TECTA: variants seen among roughly 807,000 people sequenced by gnomAD.
The protein encoded by TECTA is tectorin alpha.
Under a neutral mutation model 216.8 loss-of-function variants are expected in TECTA, and 128 were observed. The observed-to-expected ratio is 0.59, with a 90% CI of 0.51 to 0.68. The LOEUF (loss-of-function observed/expected upper bound fraction) is 0.68, where lower values mean the gene tolerates loss of function less well. TECTA is among the 30% of genes least tolerant of loss of function. The pLI, the probability that TECTA is intolerant of heterozygous loss-of-function variation, is 0.00. For missense variants in TECTA, 2,551 were observed against 2,786.2 expected (o/e 0.92, Z 1.90); for synonymous variants, 1,089 against 1,117.1 (o/e 0.97, Z 0.50).
intron 20 of TECTA, among the ~76,000 whole-genome samples, chr11:121,179,060 G>T (rs984944257): frequency 4.0e-5 from 6 of 151,502 alleles, no homozygotes; most frequent in African/African-American, 1.5e-4. Context: ...TTGATTCTTT[G>T]CTTGTTTTGA....
At chr11:121,158,292 G>A in intron 14 of TECTA, 68 bp downstream of exon 14, 1 of 1,594,852 alleles carries the variant, frequency 6.3e-7, no homozygotes, top group Non-Finnish European at 8.5e-7. Context: ...GGACTGTGTA[G>A]GGTTCTCCCA....
At chr11:121,187,097 G>T (rs1364728002) in intron 20 of TECTA, among the ~76,000 whole-genome samples, 1 of 152,198 alleles carries the variant, frequency 6.6e-6, no homozygotes, top group Non-Finnish European at 1.5e-5. Flanking sequence ...CCGTAGAACT[G>T]GTGTTGGAGA....
rs751277636 is a variant in TECTA at position 121,118,558 on chromosome 11, T to C, written c.1043T>C (p.Leu348Pro). 1 of 1,614,232 alleles carries C rather than the reference T, an allele frequency of 6.2e-7. No individual in the cohort carries two copies. The highest frequency in any genetic ancestry group is 1.1e-5 in the South Asian group (1 of 91,082). Residue 348 changes from leucine (L) to proline (P), a missense_variant, in exon 7 of 24, where the codon CTG becomes CCG. Coordinates refer to ENST00000392793, the MANE Select transcript of TECTA (RefSeq NM_005422.4). ...FHFQGSCAYL[L>P]ARQCLQTSSL... ...TTCCAAGGCTCCTGTGCCTACTTGC[T>C]GGCCCGACAGTGTTTGCAGACTTCC...
At chr11:121,124,975 T>C (rs1946593166) in intron 7 of TECTA, among the ~76,000 whole-genome samples, 1 of 152,194 alleles carries the variant, frequency 6.6e-6, no homozygotes, top group South Asian at 2.1e-4. Flanking sequence ...AGGTGACTGG[T>C]CTTTGAAGAA....
chr11:121,111,445 A>G (rs1209153615), intron 4 of TECTA, among the ~76,000 whole-genome samples: 4 of 152,202 alleles, frequency 2.6e-5, no homozygotes, highest in African/African-American at 9.7e-5. Context: ...TTTATCCAGA[A>G]GAGTCTTGGA....
In TECTA at chr11:121,156,832, A is replaced by G. The variant is rs778066188; in HGVS notation, c.4306-1009A>G. On this transcript the variant is annotated intron_variant, in intron 13 of 23. Transcript: ENST00000392793. The stretch of plus-strand genomic sequence containing the variant: ...TAATATCTCCAATTTAGAAATGAGC[A>G]AAGTGACACTGGGGAGGTGAGTAAC... 3.9e-5 allele frequency among the ~76,000 whole-genome samples: 6 copies of G among 152,156 alleles called. 1 individual carries two copies. The highest frequency in any genetic ancestry group is 7.4e-5 in the Non-Finnish European group (5 of 68,026).
chr11:121,138,122 A>G, intron 11 of TECTA, 100 bp downstream of exon 11: 3 of 1,541,158 alleles, frequency 1.9e-6, no homozygotes, highest in East Asian at 2.3e-5. Context: ...CCGGAATCCA[A>G]AGAAAATCTT....
chr11:121,128,396 A>T (rs1453843668), intron 9 of TECTA, 52 bp downstream of exon 9: 1 of 1,557,810 alleles, frequency 6.4e-7, no homozygotes, highest in South Asian at 1.1e-5. Flanking sequence ...AGCCAGGAGG[A>T]GGAGCTCGCC....
intron 12 of TECTA, 26 bp from the exon 13 acceptor site, chr11:121,152,855 G>T (rs1265704401): frequency 1.9e-5 from 30 of 1,586,054 alleles, no homozygotes; most frequent in Non-Finnish European, 2.5e-5. Context: ...GATCGTGCGA[G>T]TCTTGACTTG....
chr11:121,155,865 A>G (rs1474366023), intron 13 of TECTA, among the ~76,000 whole-genome samples: 1 of 152,162 alleles, frequency 6.6e-6, no homozygotes, highest in Admixed American at 6.5e-5. Flanking sequence ...AAACCCTACC[A>G]AGCAGAGTCG....
Position 121,160,409 on chromosome 11 carries a change from G to A in TECTA, c.4964G>A (p.Gly1655Asp). The A allele has an allele frequency of 6.2e-7, 1 of 1,611,236 alleles. No homozygotes were observed. Among genetic ancestry groups the A allele is most frequent in the Non-Finnish European group, 8.5e-7 (1 of 1,179,868 alleles). ...CTGGCCCAGAGCTGGAAAACCAATG[G>A]CATGCAGAAGAGGTGAGGGTGTAGG... is the stretch of plus-strand genomic sequence containing the variant. ...VVLAQSWKTN[G>D]MQKRPLAPSC... Residue 1655 changes from glycine to aspartate, a missense_variant, in exon 15 of 24, where the codon GGC becomes GAC. Transcript: ENST00000392793.
intron 8 of TECTA, among the ~76,000 whole-genome samples, chr11:121,126,842 G>A (rs1282467823): frequency 6.6e-6 from 1 of 152,172 alleles, no homozygotes; most frequent in East Asian, 1.9e-4. Flanking sequence ...TCCATATTTG[G>A]ATTCAAGTTG....
At chr11:121,140,229 A>G (rs1380891632) in intron 11 of TECTA, among the ~76,000 whole-genome samples, 3 of 151,780 alleles carry the variant, frequency 2.0e-5, no homozygotes, top group Admixed American at 2.0e-4. Flanking sequence ...ACATCCTCCC[A>G]GTTCTTTTCA....
rs777074206 is a variant in TECTA, at chr11:121,189,030, GT to G, written c.6163-48del. The G allele has an allele frequency of 4.4e-6, 7 of 1,587,656 alleles. 1 individual carries two copies. The South Asian group carries it at 7.7e-5, about 18-fold the overall frequency. On this transcript the variant is annotated intron_variant, in intron 21 of 23. Coordinates refer to ENST00000392793, the MANE Select transcript of TECTA (RefSeq NM_005422.4). ...AGAGGTGAAACATGGTGAAGAATAA[GT>G]TATCAGCTTAATTGTGTGAAAATTT...
intron 16 of TECTA, among the ~76,000 whole-genome samples, chr11:121,165,054 A>G (rs1341551772): frequency 6.6e-6 from 1 of 152,212 alleles, no homozygotes; most frequent in African/African-American, 2.4e-5. Flanking sequence ...CTTGAGGAGT[A>G]TTTGTGAGGG....
rs1311422005 is a variant in TECTA at position 121,104,334 on chromosome 11, G to C, written c.65-1497G>C. Among the ~76,000 whole-genome samples, 3 of 152,112 alleles carry C rather than the reference G, an allele frequency of 2.0e-5. No homozygotes were observed. In the East Asian group the frequency reaches 5.8e-4, roughly 29 times the overall value. On this transcript the variant is annotated intron_variant, in intron 2 of 23. Coordinates refer to ENST00000392793, the MANE Select transcript of TECTA (RefSeq NM_005422.4). ...TTAGAAGACCCCTTTTCACCTGCTG[G>C]TTGTGACATTAAATACAGCTCATGG...
intron 20 of TECTA, among the ~76,000 whole-genome samples, chr11:121,183,038 A>G (rs1259729613): frequency 6.6e-6 from 1 of 152,152 alleles, no homozygotes; most frequent in Non-Finnish European, 1.5e-5. Flanking sequence ...CTTGTGCGTC[A>G]GCCCCTTTTT....
chr11:121,158,235 T>A lies in TECTA; in HGVS notation c.4689+11T>A. ...CGGAACACGGTCAAGGTAACCAGCC[T>A]GGCGGCCATTCTTAAGAAGGGGCCC... On this transcript the variant is annotated intron_variant, in intron 14 of 23. Transcript: ENST00000392793. 2 of 1,610,270 alleles carry A rather than the reference T, an allele frequency of 1.2e-6. No individual in the cohort carries two copies. The highest frequency in any genetic ancestry group is 1.1e-5 in the South Asian group (1 of 91,080).
intron 17 of TECTA, among the ~76,000 whole-genome samples, chr11:121,166,294 G>A (rs1565535503): frequency 6.6e-6 from 1 of 152,198 alleles, no homozygotes. Context: ...AAAAGTAGCT[G>A]CCACCAGCAA....
Sources: gnomAD v4.1 joint callset for allele counts (sites outside exome capture counted in the v4.1 genomes callset) on GRCh38, gnomAD v4.1.1 for gene constraint, MANE v1.5 for transcripts, NCBI Gene and HGNC (gene_info 2026-07-23, HGNC 2026-07-21) for gene names.